The following HIBCH variants were observed in gnomAD, a reference collection of about 807,000 sequenced individuals.
The protein encoded by HIBCH is 3-hydroxyisobutyryl-CoA hydrolase.
A neutral mutation model predicts 58.2 loss-of-function variants in HIBCH; 50 were observed. That is an observed-to-expected ratio of 0.86 (90% CI 0.68 to 1.09). HIBCH has a LOEUF of 1.09. Among genes scored for constraint, HIBCH ranks in the 50% least tolerant of loss-of-function variants. The probability of loss-of-function intolerance (pLI) is 0.00; values close to 1 mark genes in which losing one functional copy is unlikely to be tolerated. For missense variants in HIBCH, 450 were observed against 449.7 expected (o/e 1.00, Z -0.01); for synonymous variants, 151 against 146.9 (o/e 1.03, Z -0.20).
intron 13 of HIBCH, among the ~76,000 whole-genome samples, chr2:190,205,969 A>C (rs1391312239): frequency 1.3e-5 from 2 of 152,196 alleles, no homozygotes; most frequent in Non-Finnish European, 2.9e-5. Context: ...ATTATTTCTT[A>C]CAACCGCATG....
At position 190,315,664 on chromosome 2, in the gene HIBCH, G is replaced by A. The variant is rs114175022; in HGVS notation, c.35+4052C>T. Among the ~76,000 whole-genome samples the A allele has an allele frequency of 2.9e-3, 449 of 152,334 alleles. 4 individuals carry two copies. Among genetic ancestry groups the A allele is most frequent in the African/African-American group, 0.01 (421 of 41,574 alleles). ...TTATTATCCCAGAAGTAGGCAAGGT[G>A]TGAACAGAGCAGAAAATCAAGTCCA... On this transcript the variant is annotated intron_variant, in intron 1 of 13. Transcript: ENST00000359678. This position sits in a 1 kb window ranked among gnomAD's most constrained non-coding sequence, Gnocchi z 5.4.
chr2:190,294,591 T>C lies in HIBCH; in HGVS notation c.259A>G (p.Lys87Glu). The change falls in exon 4 of 14, where the codon AAG (lysine) becomes GAG (glutamate). Residue 87 changes from lysine to glutamate, a missense_variant. Transcript: ENST00000359678. ...CAGAAAGCCTTTCCTCCTGCTCCCT[T>C]TATAATGATCAGGAAAGTTTCAGGA... ...QDPETFLIII[K>E]GAGGKAFCAG... 4 of 1,612,834 alleles carry C rather than the reference T, an allele frequency of 2.5e-6. No individual in the cohort carries two copies. The highest frequency in any genetic ancestry group is 3.4e-6 in the Non-Finnish European group (4 of 1,179,688).
chr2:190,190,762 A>T (rs1689673599), intron 1 of HIBCH, among the ~76,000 whole-genome samples: 2 of 152,316 alleles, frequency 1.3e-5, no homozygotes, highest in South Asian at 2.1e-4. Context: ...TTGTGGTTTT[A>T]AAAAATACCT....
At chr2:190,223,114 C>T (rs904463853) in intron 11 of HIBCH, among the ~76,000 whole-genome samples, 3 of 152,056 alleles carry the variant, frequency 2.0e-5, no homozygotes, top group Admixed American at 6.5e-5. Context: ...CACACTGAGA[C>T]CTGTTGGGAG....
At chr2:190,213,127 T>C (rs1170136031) in intron 11 of HIBCH, 52 bp from the exon 12 acceptor site, 1 of 1,343,102 alleles carries the variant, frequency 7.4e-7, no homozygotes, top group South Asian at 1.2e-5. Flanking sequence ...CTTTATTGTC[T>C]ATAATAAATG....
chr2:190,249,919 A>C (rs1686714298), intron 8 of HIBCH, among the ~76,000 whole-genome samples, 193 bp from the exon 9 acceptor site: 2 of 152,234 alleles, frequency 1.3e-5, no homozygotes. Flanking sequence ...GTAGCCTTCA[A>C]AGGAATGGAT....
chr2:190,317,912 C>G (rs1018592184), intron 1 of HIBCH, among the ~76,000 whole-genome samples: 4 of 151,730 alleles, frequency 2.6e-5, no homozygotes, highest in Non-Finnish European at 5.9e-5. Context: ...CAACCTCCCC[C>G]TCCCAGGTTC....
rs879739194 is a variant in HIBCH at position 190,228,554 on chromosome 2, A to AC, written c.892-15480_892-15479insG. Among the ~76,000 whole-genome samples the AC allele has an allele frequency of 5.1e-3, 707 of 138,214 alleles. 2 individuals are homozygous for AC. Among genetic ancestry groups the AC allele is most frequent in the Non-Finnish European group, 7.9e-3 (503 of 63,914 alleles). The allele number at this position is 138,214 out of a possible 152,430, so 90.7% of individuals were successfully genotyped here. On this transcript the variant is annotated intron_variant, in intron 11 of 13. Coordinates refer to ENST00000359678, the MANE Select transcript of HIBCH (RefSeq NM_014362.4). ...CCTAGAACTTAAAGTATAATTAAAA[A>AC]AAAAGAGAGAGAGAGAACACAGACT...
At chr2:190,223,235 G>A (rs769295862) in intron 11 of HIBCH, among the ~76,000 whole-genome samples, 9 of 152,232 alleles carry the variant, frequency 5.9e-5, no homozygotes, top group East Asian at 5.8e-4. Context: ...AAAACTGCAC[G>A]TTCCGCACAT....
rs776377042 is a variant in HIBCH at position 190,197,645 on chromosome 2, C to G, written c.*17+7455G>C. ...CCCCCAGGTAGAATCCCACAATGAC[C>G]ATCTGTGGGATTTAACATCTTGTGT... On this transcript the variant is annotated intron_variant, in intron 1 of 1. Coordinates refer to the HIBCH transcript ENST00000399855. This position sits in a 1 kb window ranked among gnomAD's most constrained non-coding sequence, Gnocchi z 4.0. 2.6e-5 allele frequency among the ~76,000 whole-genome samples: 4 copies of G among 152,214 alleles called. No homozygotes were observed. The highest frequency in any genetic ancestry group is 5.9e-5 in the Non-Finnish European group (4 of 68,040).
intron 11 of HIBCH, among the ~76,000 whole-genome samples, chr2:190,221,168 C>A (rs182075663): frequency 4.7e-4 from 72 of 152,264 alleles, no homozygotes; most frequent in African/African-American, 1.7e-3. Context: ...TCATAAAATT[C>A]TAATTAAGAA....
chr2:190,292,712 T>A (rs1687990534), intron 4 of HIBCH, among the ~76,000 whole-genome samples: 1 of 152,050 alleles, frequency 6.6e-6, no homozygotes, highest in African/African-American at 2.4e-5. Context: ...AATGACTATC[T>A]TTGTTTATCA....
chr2:190,213,721 T>C (rs1455854290), intron 11 of HIBCH: 1 of 152,596 alleles, frequency 6.6e-6, no homozygotes, highest in Non-Finnish European at 1.5e-5. Context: ...CAATGCATTG[T>C]GGGCTGCAAC....
chr2:190,222,051 C>T (rs1685734463), intron 11 of HIBCH, among the ~76,000 whole-genome samples: 1 of 152,216 alleles, frequency 6.6e-6, no homozygotes, highest in Non-Finnish European at 1.5e-5. Flanking sequence ...GAGCTGCTAA[C>T]ACGTAAGCCA....
chr2:190,309,753 G>T (rs567514017), intron 2 of HIBCH, among the ~76,000 whole-genome samples: 1 of 151,986 alleles, frequency 6.6e-6, no homozygotes, highest in Non-Finnish European at 1.5e-5. Flanking sequence ...CAGAGATGGG[G>T]TTTCACAGTC....
chr2:190,279,812 A>G lies in HIBCH; in HGVS notation c.438+7774T>C, dbSNP rs552574728. ...TGGAGGTGTTTTTACCTTTCTCAGC[A>G]TTCCACAAGTTACTTCCTCCTTCCT... On this transcript the variant is annotated intron_variant, in intron 6 of 13. Coordinates refer to ENST00000359678, the MANE Select transcript of HIBCH (RefSeq NM_014362.4). This position sits in a 1 kb window ranked among gnomAD's most constrained non-coding sequence, Gnocchi z 4.2. 1.4e-5 allele frequency: 3 copies of G among 212,974 alleles called. No individual in the cohort carries two copies. The South Asian group carries it at 2.3e-4, about 16-fold the overall frequency. 13.2% of individuals were successfully genotyped at this position (212,974 alleles called of 1,614,324 possible).
chr2:190,193,306 A>G (rs1287376088), intron 1 of HIBCH, among the ~76,000 whole-genome samples: 1 of 152,032 alleles, frequency 6.6e-6, no homozygotes, highest in Non-Finnish European at 1.5e-5. Context: ...CTCAGTCATC[A>G]TGTTTTATCC....
At chr2:190,283,848 C>T (rs1687767345) in intron 6 of HIBCH, among the ~76,000 whole-genome samples, 1 of 152,184 alleles carries the variant, frequency 6.6e-6, no homozygotes, top group African/African-American at 2.4e-5. Flanking sequence ...ATTCTCAATT[C>T]TCCCAAGGAT....
At chr2:190,293,317 T>G (rs1283804459) in intron 4 of HIBCH, among the ~76,000 whole-genome samples, 4 of 152,038 alleles carry the variant, frequency 2.6e-5, no homozygotes, top group African/African-American at 9.7e-5. Context: ...GCAGGGCATG[T>G]TGGCAGGCAC....
Sources: allele counts gnomAD v4.1 joint callset (sites outside exome capture counted in the v4.1 genomes callset), GRCh38; gene constraint gnomAD v4.1.1; non-coding constraint Gnocchi (gnomAD v3.1); transcripts MANE v1.5; gene names NCBI Gene and HGNC (gene_info 2026-07-23, HGNC 2026-07-21).